HACD1: variants seen among roughly 807,000 people sequenced by gnomAD.
HACD1 encodes 3-hydroxyacyl-CoA dehydratase 1.
A neutral mutation model predicts 32.0 loss-of-function variants in HACD1; 41 were observed. The ratio of observed to expected loss-of-function variants is 1.28; its 90% CI spans 1.00 to 1.66. HACD1 has a LOEUF of 1.66. Ranked by LOEUF, HACD1 falls within the 40% of genes most tolerant of loss-of-function variation. HACD1 has a pLI of 0.00. For synonymous variants in HACD1, 142 were observed against 139.0 expected (o/e 1.02, Z -0.15); for missense variants, 396 against 380.1 (o/e 1.04, Z -0.35).
chr10:17,596,468 A>G (rs1039880207), intron 5 of HACD1, among the ~76,000 whole-genome samples: 1 of 149,092 alleles, frequency 6.7e-6, no homozygotes, highest in Admixed American at 6.7e-5. Context: ...TTTTTACTTT[A>G]TGTGGTTTTC....
intron 1 of HACD1, among the ~76,000 whole-genome samples, chr10:17,605,629 T>C (rs1834135482): frequency 6.6e-6 from 1 of 150,898 alleles, no homozygotes; most frequent in East Asian, 1.9e-4. Context: ...GCCATGGGCC[T>C]GCTTTCAAAA....
chr10:17,607,094 T>C (rs1834158968), intron 1 of HACD1, among the ~76,000 whole-genome samples: 1 of 152,170 alleles, frequency 6.6e-6, no homozygotes, highest in Non-Finnish European at 1.5e-5. Context: ...TTTAAAGTTA[T>C]ATGGAGAGTC....
intron 4 of HACD1, 45 bp from the exon 5 acceptor site, chr10:17,599,456 A>T (rs1335475940): frequency 1.9e-5 from 30 of 1,578,026 alleles, no homozygotes; most frequent in South Asian, 1.6e-4. Context: ...CCTAGAACTT[A>T]CTTTTCAGTG....
At chr10:17,603,778 TAATAG>T in intron 2 of HACD1, 34 bp from the exon 3 acceptor site, 1 of 1,577,962 alleles carries the variant, frequency 6.3e-7, no homozygotes, top group Non-Finnish European at 8.7e-7. Flanking sequence ...ATTACGTCAA[TAATAG>T]AAAACATTAA....
At position 17,616,971 on chromosome 10, in the gene HACD1, C is replaced by G. The variant is rs868937022; in HGVS notation, c.257+112G>C. On this transcript the variant is annotated intron_variant, in intron 1 of 6. Transcript: ENST00000361271. ...CGGCGACAGCTCCCTTCCCCCACGGCCGCTGCCCGCACCCCCCGCGCCCCT... is the reference window on the plus strand; with the variant it reads ...CGGCGACAGCTCCCTTCCCCCACGGGCGCTGCCCGCACCCCCCGCGCCCCT... 35 of 1,175,934 alleles carry G rather than the reference C, an allele frequency of 3.0e-5. No individual in the cohort carries two copies. In the Middle Eastern group the frequency reaches 1.3e-3, roughly 43 times the overall value. The allele number at this position is 1,175,934 out of a possible 1,614,324, so 72.8% of individuals were successfully genotyped here. A position where few individuals can be genotyped will look rare whatever the true frequency, so the allele number is the denominator to read the frequency against.
intron 6 of HACD1, among the ~76,000 whole-genome samples, chr10:17,591,690 T>G (rs1833929783): frequency 8.3e-6 from 1 of 120,986 alleles, no homozygotes; most frequent in African/African-American, 2.7e-5. Context: ...TGTAAAAATA[T>G]TTCTGAATAT....
chr10:17,613,598 G>A (rs1327529714), intron 1 of HACD1, among the ~76,000 whole-genome samples: 3 of 152,190 alleles, frequency 2.0e-5, no homozygotes, highest in African/African-American at 7.2e-5. Flanking sequence ...GAAAGCATCT[G>A]AAGAGTCAGT....
At chr10:17,604,270 G>A (rs1834113351) in intron 1 of HACD1, among the ~76,000 whole-genome samples, 1 of 152,116 alleles carries the variant, frequency 6.6e-6, no homozygotes, top group South Asian at 2.1e-4. Flanking sequence ...CGGATCACGA[G>A]GTCAGGAGAT....
chr10:17,590,521 G>T, intron 6 of HACD1, 75 bp from the exon 7 acceptor site: 1 of 1,108,150 alleles, frequency 9.0e-7, no homozygotes, highest in Admixed American at 2.1e-5. Context: ...TGTTAAATGT[G>T]GCAATGTTAG....
In HACD1 at chr10:17,591,914, C is replaced by T. The variant is rs576585584; in HGVS notation, c.785-1468G>A. On this transcript the variant is annotated intron_variant, in intron 6 of 6. Coordinates refer to ENST00000361271, the MANE Select transcript of HACD1 (RefSeq NM_014241.4). ...TATTGTAAATACTTCCATAAAATTC[C>T]GAGTAGCTGAACAGAAGGTATGGGC... Among the ~76,000 whole-genome samples the T allele has an allele frequency of 8.7e-4, 132 of 151,190 alleles. No homozygotes were observed. The South Asian group carries it at 0.017, about 20-fold the overall frequency.
At position 17,603,576 on chromosome 10, in the gene HACD1, G is replaced by A; in HGVS notation, c.467C>T (p.Thr156Ile). The A allele has an allele frequency of 6.2e-7, 1 of 1,611,306 alleles. No homozygotes were observed. The highest frequency in any genetic ancestry group is 8.5e-7 in the Non-Finnish European group (1 of 1,177,574). ...SSRIFMVWLITHSIKPIQNEE... is the reference protein window; with the variant it reads ...SSRIFMVWLIIHSIKPIQNEE... The stretch of plus-strand genomic sequence containing the variant: ...GTCACTTACTGGTTTTATACTGTGA[G>A]TAATGAGCCACACCATAAAGATTCT... The change falls in exon 4 of 7, where the codon ACT becomes ATT. Residue 156 changes from threonine (T) to isoleucine (I), a missense_variant. Physicochemically the swap from Thr to Ile is moderately conservative, Grantham distance 89 (BLOSUM62 -1). Coordinates refer to ENST00000361271, the MANE Select transcript of HACD1 (RefSeq NM_014241.4).
At chr10:17,601,111 G>C (rs1834063988) in intron 4 of HACD1, among the ~76,000 whole-genome samples, 1 of 151,112 alleles carries the variant, frequency 6.6e-6, no homozygotes, top group Non-Finnish European at 1.5e-5. Flanking sequence ...TCAGCTCACT[G>C]CAACCTCTGC....
chr10:17,600,556 T>G (rs938353556), intron 4 of HACD1, among the ~76,000 whole-genome samples: 7 of 151,874 alleles, frequency 4.6e-5, no homozygotes, highest in African/African-American at 1.7e-4. Context: ...GAATTCCTGA[T>G]CTCATGTAAT....
At position 17,604,011 on chromosome 10, in the gene HACD1, A is replaced by T; in HGVS notation, c.294T>A (p.Tyr98Ter). 6.3e-7 allele frequency: 1 copy of T among 1,599,648 alleles called. No individual in the cohort carries two copies. Among genetic ancestry groups the T allele is most frequent in the Non-Finnish European group, 8.5e-7 (1 of 1,176,406 alleles). Residue 98 changes from tyrosine to a stop codon, truncating the protein, a stop_gained, in exon 2 of 7, where the codon TAT becomes TAA. Transcript: ENST00000361271. LOFTEE classifies it high-confidence loss of function. ...LVLAIAMVRF[Y>*]MEKGTHRGLY... is the part of the protein sequence containing the mutation. ...AACCTCTGTGTGTTCCTTTTTCCATATAAAAACGTACCATGGCAATAGCTA... is the reference window on the plus strand; with the variant it reads ...AACCTCTGTGTGTTCCTTTTTCCATTTAAAAACGTACCATGGCAATAGCTA...
intron 1 of HACD1, among the ~76,000 whole-genome samples, chr10:17,612,020 C>T (rs1165655393): frequency 4.0e-5 from 6 of 150,048 alleles, no homozygotes; most frequent in Non-Finnish European, 7.4e-5. Context: ...CACCTGTAAT[C>T]CCAGCTACTC....
At chr10:17,607,951 C>T (rs570870689) in intron 1 of HACD1, among the ~76,000 whole-genome samples, 2 of 152,228 alleles carry the variant, frequency 1.3e-5, no homozygotes, top group Non-Finnish European at 2.9e-5. Context: ...CTTCATCTAT[C>T]GGTTTAGTAA....
At chr10:17,610,771 G>T (rs1471484707) in intron 1 of HACD1, among the ~76,000 whole-genome samples, 1 of 152,138 alleles carries the variant, frequency 6.6e-6, no homozygotes, top group Non-Finnish European at 1.5e-5. Context: ...TAGCTAAGTA[G>T]TTGTGCTGTT....
chr10:17,610,999 C>CTTTT (rs71393021), intron 1 of HACD1, among the ~76,000 whole-genome samples: 6 of 103,002 alleles, frequency 5.8e-5, no homozygotes, highest in East Asian at 2.6e-4. Context: ...AGGTCCTCTT[C>CTTTT]TTTTTTTTTT....
chr10:17,615,804 CA>C, intron 1 of HACD1: 2 of 425,946 alleles, frequency 4.7e-6, no homozygotes, highest in Middle Eastern at 7.4e-4. Context: ...CTGTCTCTAC[CA>C]AAAATACAAA....
Sources: allele counts gnomAD v4.1 joint callset (sites outside exome capture counted in the v4.1 genomes callset), GRCh38; gene constraint gnomAD v4.1.1; transcripts MANE v1.5; gene names NCBI Gene and HGNC (gene_info 2026-07-23, HGNC 2026-07-21).